Variants in HNF4G observed in about 807,000 individuals in gnomAD.
HNF4G encodes hepatocyte nuclear factor 4 gamma, also known as hepatocyte nuclear factor 4-gamma.
In HNF4G, 21 loss-of-function variants were observed where a neutral mutation model predicts 50.9. The observed-to-expected ratio is 0.41, with a 90% CI of 0.29 to 0.59. The LOEUF is 0.59. HNF4G is among the 20% of genes least tolerant of loss of function. HNF4G has a pLI of 0.26. For synonymous variants in HNF4G, 198 were observed against 185.6 expected (o/e 1.07, Z -0.54); for missense variants, 527 against 559.4 (o/e 0.94, Z 0.58).
chr8:75,437,264 G>GT (rs1811161701), intron 1 of HNF4G, among the ~76,000 whole-genome samples: 1 of 152,178 alleles, frequency 6.6e-6, no homozygotes, highest in Admixed American at 6.5e-5. Context: ...ATATTCGCAC[G>GT]TATCTATAAT....
chr8:75,519,933 A>G (rs184622449), intron 2 of HNF4G, among the ~76,000 whole-genome samples: 175 of 152,094 alleles, frequency 1.2e-3, no homozygotes, highest in African/African-American at 3.9e-3. Flanking sequence ...GATGATTAAC[A>G]TGTTGGATTG....
chr8:75,452,586 G>C (rs1460754355), intron 1 of HNF4G, among the ~76,000 whole-genome samples: 1 of 152,074 alleles, frequency 6.6e-6, no homozygotes, highest in Non-Finnish European at 1.5e-5. Context: ...GGGCATGGTG[G>C]CGGGCGCCTG....
chr8:75,511,860 G>A (rs1480057330), intron 2 of HNF4G, among the ~76,000 whole-genome samples: 1 of 152,198 alleles, frequency 6.6e-6, no homozygotes, highest in Non-Finnish European at 1.5e-5. Context: ...TTACAGGCGT[G>A]AGCCACCACG....
At chr8:75,558,300 T>A (rs768777004) in intron 6 of HNF4G, among the ~76,000 whole-genome samples, 4 of 152,220 alleles carry the variant, frequency 2.6e-5, no homozygotes, top group Non-Finnish European at 5.9e-5. Flanking sequence ...CTGATCCCGT[T>A]AAAATGCATG....
At chr8:75,424,504 C>G (rs1585830719) in intron 1 of HNF4G, among the ~76,000 whole-genome samples, 2 of 152,086 alleles carry the variant, frequency 1.3e-5, no homozygotes, top group South Asian at 2.1e-4. Context: ...GGACGTAATA[C>G]CCAACAGGAA....
chr8:75,519,535 A>G (rs1419128728), intron 2 of HNF4G, among the ~76,000 whole-genome samples: 1 of 152,224 alleles, frequency 6.6e-6, no homozygotes, highest in East Asian at 1.9e-4. Context: ...TCACAGTTCC[A>G]CGTGGCTGAG....
chr8:75,470,391 A>T (rs1172749604), intron 1 of HNF4G, among the ~76,000 whole-genome samples: 2 of 152,188 alleles, frequency 1.3e-5, no homozygotes, highest in Non-Finnish European at 2.9e-5. Flanking sequence ...GGATTACCTC[A>T]TTTAACAATA....
intron 1 of HNF4G, among the ~76,000 whole-genome samples, chr8:75,480,983 C>G (rs1035921852): frequency 2.0e-5 from 3 of 152,108 alleles, no homozygotes; most frequent in Non-Finnish European, 4.4e-5. Context: ...TCCCAAGGTG[C>G]TAGGATTACA....
At chr8:75,427,819 TA>T (rs1188150561) in intron 1 of HNF4G, among the ~76,000 whole-genome samples, 1 of 152,120 alleles carries the variant, frequency 6.6e-6, no homozygotes, top group Admixed American at 6.6e-5. Flanking sequence ...ATGTTATGTG[TA>T]TTATATCAAA....
At chr8:75,556,479 C>T (rs1352727857) in intron 6 of HNF4G, among the ~76,000 whole-genome samples, 1 of 151,910 alleles carries the variant, frequency 6.6e-6, no homozygotes, top group Non-Finnish European at 1.5e-5. Flanking sequence ...ATCTTATTGC[C>T]CATGATAGCC....
At chr8:75,422,917 A>G (rs908849363) in intron 1 of HNF4G, among the ~76,000 whole-genome samples, 44 of 152,310 alleles carry the variant, frequency 2.9e-4, no homozygotes, top group African/African-American at 1.1e-3. Flanking sequence ...ATCAGCATTA[A>G]TTCATTTAGT....
intron 1 of HNF4G, among the ~76,000 whole-genome samples, chr8:75,442,915 G>A (rs73688886): frequency 0.075 from 11,425 of 152,172 alleles, 506 homozygotes; most frequent in South Asian, 0.088. Context: ...ACAGAGCACA[G>A]GAATGCTCAA....
chr8:75,444,640 TAA>T (rs1218282780), intron 1 of HNF4G, among the ~76,000 whole-genome samples: 1 of 124,968 alleles, frequency 8.0e-6, no homozygotes, highest in East Asian at 2.1e-4. Flanking sequence ...TAGTCTCTGA[TAA>T]AACAGACTTT....
chr8:75,561,639 A>C (rs2130819469), intron 9 of HNF4G, among the ~76,000 whole-genome samples: 1 of 152,258 alleles, frequency 6.6e-6, no homozygotes, highest in South Asian at 2.1e-4. Context: ...TTGCAGACTG[A>C]AGAGTTGGCA....
intron 2 of HNF4G, among the ~76,000 whole-genome samples, chr8:75,511,015 G>C (rs1805736195): frequency 6.6e-6 from 1 of 151,932 alleles, no homozygotes; most frequent in Non-Finnish European, 1.5e-5. Context: ...AATGTAAGGA[G>C]ATGTGTCAAT....
intron 1 of HNF4G, among the ~76,000 whole-genome samples, chr8:75,461,907 AAT>A (rs141224779): frequency 0.091 from 2,638 of 28,928 alleles, 67 homozygotes; most frequent in African/African-American, 0.32. Context: ...TATAAATATA[AAT>A]ATATATATAT....
upstream of HNF4G, among the ~76,000 whole-genome samples, chr8:75,535,302 T>G (rs901460933): frequency 6.6e-6 from 1 of 151,702 alleles, no homozygotes; most frequent in African/African-American, 2.4e-5. Context: ...GATTTCTATT[T>G]CAAAAGAGGA....
At chr8:75,553,289 T>G in intron 5 of HNF4G, 92 bp downstream of exon 5, 1 of 953,702 alleles carries the variant, frequency 1.0e-6, no homozygotes, top group Non-Finnish European at 1.6e-6. Context: ...ATGCATATTC[T>G]ATATTACTGT....
chr8:75,441,818 C>G (rs1397383894), intron 1 of HNF4G, among the ~76,000 whole-genome samples: 1 of 152,174 alleles, frequency 6.6e-6, no homozygotes, highest in Non-Finnish European at 1.5e-5. Flanking sequence ...GGTCCACAGA[C>G]CACACATTGA....
Sources: gnomAD v4.1 joint callset for allele counts (sites outside exome capture counted in the v4.1 genomes callset) on GRCh38, gnomAD v4.1.1 for gene constraint, MANE v1.5 for transcripts, NCBI Gene and HGNC (gene_info 2026-07-23, HGNC 2026-07-21) for gene names.